Variants in CRTC1 observed in about 807,000 individuals in gnomAD.
CRTC1 encodes the protein CREB regulated transcription coactivator 1.
In CRTC1, 18 loss-of-function variants were observed where a neutral mutation model predicts 66.1. The ratio of observed to expected loss-of-function variants is 0.27; its 90% CI spans 0.19 to 0.40. CRTC1 has a LOEUF of 0.40. Ranked by LOEUF, CRTC1 falls within the 10% of genes least tolerant of loss-of-function variation. The pLI, the probability that CRTC1 is intolerant of heterozygous loss-of-function variation, is 1.00. For missense variants in CRTC1, 669 were observed against 887.9 expected (o/e 0.75, Z 3.13); for synonymous variants, 416 against 398.8 (o/e 1.04, Z -0.51).
At chr19:18,700,771 C>T (rs565470908) in intron 1 of CRTC1, among the ~76,000 whole-genome samples, 5 of 152,274 alleles carry the variant, frequency 3.3e-5, no homozygotes, top group African/African-American at 1.2e-4. Context: ...CGAGCGTGTC[C>T]GCAAAGACAC....
chr19:18,768,748 C>T lies in CRTC1; in HGVS notation c.1275C>T (p.Pro425=), dbSNP rs748015643. ...TACCGTCCTCTCTCCCCCAGTCCCC[C>T]CCAGAGAACCCTGGCCAGCCATCGA... The part of the protein sequence containing the change: ...VTVPSSLPQS[P]PENPGQPSMG... Residue 425 remains proline, a synonymous_variant, in exon 10 of 14, where the codon CCC becomes CCT. Coordinates refer to ENST00000321949, the MANE Select transcript of CRTC1 (RefSeq NM_015321.3). This position sits in a 1 kb window ranked among gnomAD's most constrained non-coding sequence, Gnocchi z 5.6. The T allele has an allele frequency of 6.2e-7, 1 of 1,601,756 alleles. No individual in the cohort carries two copies. The highest frequency in any genetic ancestry group is 8.5e-7 in the Non-Finnish European group (1 of 1,175,424).
In CRTC1 at chr19:18,693,681, C is replaced by T. The variant is rs879698030; in HGVS notation, c.126+9853C>T. On this transcript the variant is annotated intron_variant, in intron 1 of 13. Coordinates refer to ENST00000321949, the MANE Select transcript of CRTC1 (RefSeq NM_015321.3). ...TGTATTTTTAGTAGAGACAGGGTTTCCCCATGTTCGCCAGGATGGTCTTGA... is the reference window on the plus strand; with the variant it reads ...TGTATTTTTAGTAGAGACAGGGTTTTCCCATGTTCGCCAGGATGGTCTTGA... Among the ~76,000 whole-genome samples, 165 of 150,366 alleles carry T rather than the reference C, an allele frequency of 1.1e-3. 1 individual carries two copies. The highest frequency in any genetic ancestry group is 1.0e-3 in the Non-Finnish European group (68 of 67,630).
intron 1 of CRTC1, among the ~76,000 whole-genome samples, chr19:18,708,716 A>T (rs2053320999): frequency 6.6e-6 from 1 of 152,202 alleles, no homozygotes; most frequent in Non-Finnish European, 1.5e-5. Context: ...GACCGAGGTC[A>T]GGGCTCCTGT....
intron 1 of CRTC1, among the ~76,000 whole-genome samples, chr19:18,715,984 G>C (rs1304602198): frequency 6.6e-6 from 1 of 152,226 alleles, no homozygotes; most frequent in Admixed American, 6.5e-5. Flanking sequence ...CTTATGTGCT[G>C]GCAGCGGTTG....
At chr19:18,701,924 T>G (rs2053150704) in intron 1 of CRTC1, among the ~76,000 whole-genome samples, 2 of 140,696 alleles carry the variant, frequency 1.4e-5, no homozygotes, top group South Asian at 2.2e-4. Context: ...ACCGTTTTGT[T>G]TTTTTTTTTT....
chr19:18,739,352 T>G (rs1366677676), intron 1 of CRTC1, among the ~76,000 whole-genome samples: 2 of 152,194 alleles, frequency 1.3e-5, no homozygotes, highest in Non-Finnish European at 2.9e-5. Context: ...TGAGGTGGCT[T>G]GTGTTGCCTG....
At chr19:18,707,571 G>C (rs186428686) in intron 1 of CRTC1, among the ~76,000 whole-genome samples, 6 of 152,104 alleles carry the variant, frequency 3.9e-5, no homozygotes, top group African/African-American at 1.4e-4. Flanking sequence ...AGATTGTCTT[G>C]TCTATTTCAG....
chr19:18,749,729 G>C, intron 4 of CRTC1, 52 bp from the exon 5 acceptor site: 2 of 1,456,894 alleles, frequency 1.4e-6, no homozygotes, highest in Non-Finnish European at 1.9e-6. Context: ...CAGGACTATC[G>C]CATTGTCTGC....
At chr19:18,769,072 C>T in intron 10 of CRTC1, among the ~76,000 whole-genome samples, 1 of 152,234 alleles carries the variant, frequency 6.6e-6, no homozygotes, top group South Asian at 2.1e-4. Flanking sequence ...CCCTTCTTGG[C>T]CTCTCTGGCC....
At chr19:18,700,457 C>T (rs2053107470) in intron 1 of CRTC1, among the ~76,000 whole-genome samples, 1 of 152,062 alleles carries the variant, frequency 6.6e-6, no homozygotes, top group African/African-American at 2.4e-5. Flanking sequence ...CTTCCCTTTC[C>T]TGCCGGGGCT....
chr19:18,710,102 C>T (rs532812530), intron 1 of CRTC1, among the ~76,000 whole-genome samples: 16 of 152,034 alleles, frequency 1.1e-4, no homozygotes, highest in East Asian at 5.8e-4. Flanking sequence ...TTTGTGCTCA[C>T]GGGGCCTCCT....
At chr19:18,695,587 C>T (rs763112892) in intron 1 of CRTC1, among the ~76,000 whole-genome samples, 12 of 150,530 alleles carry the variant, frequency 8.0e-5, no homozygotes, top group Admixed American at 1.3e-4. Context: ...TACACACGGC[C>T]GGGTGTGGTG....
intron 1 of CRTC1, among the ~76,000 whole-genome samples, chr19:18,724,690 C>T (rs1306737797): frequency 1.3e-5 from 2 of 150,246 alleles, no homozygotes; most frequent in African/African-American, 4.9e-5. Context: ...GTCTCATCTT[C>T]TGTCTCTTAA....
intron 1 of CRTC1, among the ~76,000 whole-genome samples, chr19:18,732,564 AT>A (rs1268490205): frequency 6.6e-6 from 1 of 152,146 alleles, no homozygotes; most frequent in African/African-American, 2.4e-5. Context: ...ATTATTTTGG[AT>A]GCAGGGATTG....
chr19:18,767,272 C>G (rs1175214248), intron 9 of CRTC1, among the ~76,000 whole-genome samples: 1 of 151,970 alleles, frequency 6.6e-6, no homozygotes, highest in South Asian at 2.1e-4. Context: ...GCTCTTGGCT[C>G]TCCTGCAGCC....
At chr19:18,756,519 G>A (rs1430051119) in intron 6 of CRTC1, among the ~76,000 whole-genome samples, 5 of 151,540 alleles carry the variant, frequency 3.3e-5, no homozygotes, top group Non-Finnish European at 5.9e-5. Context: ...TGTGATATGT[G>A]TGTGTGCCTG....
At chr19:18,770,855 TG>T (rs1230638482) in intron 10 of CRTC1, among the ~76,000 whole-genome samples, 1 of 150,570 alleles carries the variant, frequency 6.6e-6, no homozygotes, top group South Asian at 2.1e-4. Context: ...CATGTGGGTG[TG>T]GGTGTGCATG....
At chr19:18,686,265 T>A (rs1362441952) in intron 1 of CRTC1, among the ~76,000 whole-genome samples, 1 of 152,350 alleles carries the variant, frequency 6.6e-6, no homozygotes, top group Non-Finnish European at 1.5e-5. Flanking sequence ...GTATCATGGA[T>A]CAGTGCTTCG....
intron 1 of CRTC1, among the ~76,000 whole-genome samples, chr19:18,706,351 G>A (rs1263257780): frequency 2.6e-5 from 4 of 151,398 alleles, no homozygotes; most frequent in Admixed American, 2.6e-4. Context: ...GATTACAGGT[G>A]CCCATCACCA....
Sources: gnomAD v4.1 joint callset for allele counts (sites outside exome capture counted in the v4.1 genomes callset) on GRCh38, gnomAD v4.1.1 for gene constraint, Gnocchi (gnomAD v3.1) non-coding constraint, MANE v1.5 for transcripts, NCBI Gene and HGNC (gene_info 2026-07-23, HGNC 2026-07-21) for gene names.